The following NHERF1 variants were observed in gnomAD, a reference collection of about 807,000 sequenced individuals.
NHERF1 encodes Na(+)/H(+) exchange regulatory cofactor NHE-RF1.
the NHERF1 span, among the ~76,000 whole-genome samples, chr17:74,758,180 C>G: frequency 1.3e-5 from 2 of 152,246 alleles, no homozygotes; most frequent in Non-Finnish European, 2.9e-5. The surrounding 1 kb of genome is among the most constrained non-coding windows in gnomAD (Gnocchi z 4.3). Context: ...TCGACTTTCC[C>G]CAGCTTTCCA....
the NHERF1 span, among the ~76,000 whole-genome samples, chr17:74,756,469 G>A: frequency 6.6e-6 from 1 of 151,556 alleles, no homozygotes; most frequent in East Asian, 1.9e-4. Flanking sequence ...AGTTGAGACA[G>A]GGTTTCACCA....
chr17:74,757,874 C>G, the NHERF1 span, among the ~76,000 whole-genome samples: 1 of 152,226 alleles, frequency 6.6e-6, no homozygotes, highest in Admixed American at 6.5e-5. Context: ...AACAAGAGCC[C>G]TGGGCTGGGG....
the NHERF1 span, among the ~76,000 whole-genome samples, chr17:74,764,741 C>T: frequency 6.6e-6 from 1 of 152,216 alleles, no homozygotes; most frequent in African/African-American, 2.4e-5. The surrounding 1 kb of genome is among the most constrained non-coding windows in gnomAD (Gnocchi z 4.9). Context: ...GAGGGAGAGG[C>T]CTGGGGACAG....
the NHERF1 span, among the ~76,000 whole-genome samples, chr17:74,753,357 G>A: frequency 6.6e-6 from 1 of 152,198 alleles, no homozygotes; most frequent in South Asian, 2.1e-4. Context: ...CAGTTAGCTG[G>A]AGGGCCATCA....
chr17:74,755,300 C>T, the NHERF1 span, among the ~76,000 whole-genome samples: 4 of 152,130 alleles, frequency 2.6e-5, no homozygotes, highest in Non-Finnish European at 5.9e-5. Flanking sequence ...AGGCTCCTGT[C>T]CCCATCCCTT....
At chr17:74,751,332 G>A in the NHERF1 span, among the ~76,000 whole-genome samples, 1 of 152,218 alleles carries the variant, frequency 6.6e-6, no homozygotes, top group African/African-American at 2.4e-5. This position sits in a 1 kb window ranked among gnomAD's most constrained non-coding sequence, Gnocchi z 4.3. Context: ...GTAAGAGTTC[G>A]TTTTTCTAAA....
the NHERF1 span, chr17:74,768,727 A>G: frequency 2.6e-4 from 351 of 1,353,468 alleles, 1 homozygote; most frequent in Middle Eastern, 1.6e-3. Flanking sequence ...CTTCTCCCCA[A>G]TTACTCCCCT....
chr17:74,762,224 C>G, the NHERF1 span: 2 of 1,594,280 alleles, frequency 1.3e-6, no homozygotes, highest in African/African-American at 2.7e-5. This position sits in a 1 kb window ranked among gnomAD's most constrained non-coding sequence, Gnocchi z 4.2. Flanking sequence ...CCCTGCAGAT[C>G]AGCAGCACCT....
the NHERF1 span, chr17:74,763,339 G>T: frequency 2.5e-6 from 4 of 1,603,486 alleles, no homozygotes; most frequent in South Asian, 3.3e-5. Context: ...GCCTGTGTCC[G>T]TAACGCCTCC....
chr17:74,753,002 A>C, the NHERF1 span, among the ~76,000 whole-genome samples: 3 of 152,200 alleles, frequency 2.0e-5, no homozygotes, highest in African/African-American at 7.2e-5. Context: ...CCCCGCCCAG[A>C]GATTGGAATT....
At chr17:74,753,631 G>A in the NHERF1 span, among the ~76,000 whole-genome samples, 1 of 151,930 alleles carries the variant, frequency 6.6e-6, no homozygotes, top group African/African-American at 2.4e-5. Flanking sequence ...ACTTGTGCCT[G>A]TAATCCCATC....
chr17:74,764,501 C>T, the NHERF1 span, among the ~76,000 whole-genome samples: 1 of 152,298 alleles, frequency 6.6e-6, no homozygotes, highest in East Asian at 1.9e-4. This position sits in a 1 kb window ranked among gnomAD's most constrained non-coding sequence, Gnocchi z 4.9. Context: ...AGATAATCCC[C>T]TTCTCCACTG....
chr17:74,749,992 A>G, the NHERF1 span, among the ~76,000 whole-genome samples: 7 of 152,198 alleles, frequency 4.6e-5, no homozygotes, highest in Non-Finnish European at 1.0e-4. This position sits in a 1 kb window ranked among gnomAD's most constrained non-coding sequence, Gnocchi z 5.6. Context: ...ATTCTCAGGA[A>G]TGTGAAGAGT....
chr17:74,760,461 G>A, the NHERF1 span, among the ~76,000 whole-genome samples: 3 of 152,196 alleles, frequency 2.0e-5, no homozygotes, highest in African/African-American at 4.8e-5. This position sits in a 1 kb window ranked among gnomAD's most constrained non-coding sequence, Gnocchi z 4.5. Context: ...GCCTTTAAAG[G>A]AATGCAAAGT....
the NHERF1 span, chr17:74,761,999 CCT>C: frequency 3.1e-6 from 5 of 1,613,724 alleles, no homozygotes; most frequent in Middle Eastern, 1.6e-4. This position sits in a 1 kb window ranked among gnomAD's most constrained non-coding sequence, Gnocchi z 4.3. Flanking sequence ...TGGACCCTCC[CCT>C]GTCCCTGCAG....
chr17:74,763,808 C>CT, the NHERF1 span, among the ~76,000 whole-genome samples: 1 of 152,222 alleles, frequency 6.6e-6, no homozygotes, highest in Non-Finnish European at 1.5e-5. Context: ...GCTGCAGCCC[C>CT]AAAGGAGGCC....
the NHERF1 span, chr17:74,763,338 C>G: frequency 6.2e-7 from 1 of 1,602,198 alleles, no homozygotes; most frequent in Non-Finnish European, 8.5e-7. Context: ...GGCCTGTGTC[C>G]GTAACGCCTC....
chr17:74,754,920 C>T, the NHERF1 span, among the ~76,000 whole-genome samples: 1 of 152,192 alleles, frequency 6.6e-6, no homozygotes, highest in Admixed American at 6.5e-5. Flanking sequence ...TCATTTAATC[C>T]ACATGACCAC....
chr17:74,763,406 G>T, the NHERF1 span: 1 of 1,614,152 alleles, frequency 6.2e-7, no homozygotes, highest in Non-Finnish European at 8.5e-7. Flanking sequence ...GCATGGGGAC[G>T]TGGTGTCCGC....
Sources: allele counts gnomAD v4.1 joint callset (sites outside exome capture counted in the v4.1 genomes callset), GRCh38; gene constraint gnomAD v4.1.1; non-coding constraint Gnocchi (gnomAD v3.1); transcripts MANE v1.5; gene names NCBI Gene and HGNC (gene_info 2026-07-23, HGNC 2026-07-21).